The following RNF182 variants were observed in gnomAD, a reference collection of about 807,000 sequenced individuals.
RNF182 encodes ring finger protein 182, also known as E3 ubiquitin-protein ligase RNF182.
In RNF182, 15 loss-of-function variants were observed where a neutral mutation model predicts 14.4. The observed-to-expected ratio is 1.04, with a 90% CI of 0.70 to 1.60. The LOEUF is 1.60. Ranked by LOEUF, RNF182 falls within the 40% of genes most tolerant of loss-of-function variation. The probability of loss-of-function intolerance (pLI) is 0.00; values close to 1 mark genes in which losing one functional copy is unlikely to be tolerated. For missense variants in RNF182, 268 were observed against 294.8 expected (o/e 0.91, Z 0.67); for synonymous variants, 128 against 122.9 (o/e 1.04, Z -0.27).
At chr6:13,975,742 C>G (rs1760307501) in intron 2 of RNF182, among the ~76,000 whole-genome samples, 1 of 152,222 alleles carries the variant, frequency 6.6e-6, no homozygotes, top group South Asian at 2.1e-4. Flanking sequence ...CGCAGTTACT[C>G]TCTGCCCTCA....
chr6:13,951,572 C>T (rs1337184624), intron 1 of RNF182, among the ~76,000 whole-genome samples: 1 of 152,186 alleles, frequency 6.6e-6, no homozygotes, highest in Non-Finnish European at 1.5e-5. Flanking sequence ...TTATTACACA[C>T]CAAGGCTAAA....
At chr6:13,930,880 A>T (rs1030762313) in intron 1 of RNF182, among the ~76,000 whole-genome samples, 6 of 152,242 alleles carry the variant, frequency 3.9e-5, no homozygotes, top group African/African-American at 1.4e-4. Context: ...TGGTAGATTT[A>T]AAAACATGAT....
chr6:13,956,239 G>T (rs1314471591), intron 1 of RNF182, among the ~76,000 whole-genome samples: 1 of 150,990 alleles, frequency 6.6e-6, no homozygotes, highest in African/African-American at 2.4e-5. Flanking sequence ...TTGTAATAGT[G>T]ACCAGCTGTC....
At chr6:13,954,189 C>T (rs1376618746) in intron 1 of RNF182, among the ~76,000 whole-genome samples, 1 of 152,158 alleles carries the variant, frequency 6.6e-6, no homozygotes, top group African/African-American at 2.4e-5. Context: ...CATATTATTT[C>T]ATCTGTGAAA....
At chr6:13,944,569 A>C (rs937444487) in intron 1 of RNF182, among the ~76,000 whole-genome samples, 1 of 152,222 alleles carries the variant, frequency 6.6e-6, no homozygotes, top group South Asian at 2.1e-4. Flanking sequence ...AAGGTAATTT[A>C]TGCATGGAAA....
intron 1 of RNF182, among the ~76,000 whole-genome samples, chr6:13,945,145 A>G (rs1759407397): frequency 6.6e-6 from 1 of 152,186 alleles, no homozygotes; most frequent in African/African-American, 2.4e-5. Flanking sequence ...TTGGAGCTGG[A>G]AGGTCTTTAG....
intron 1 of RNF182, among the ~76,000 whole-genome samples, chr6:13,959,653 A>G (rs114771716): frequency 0.015 from 2,210 of 152,334 alleles, 65 homozygotes; most frequent in African/African-American, 0.05. Flanking sequence ...TGGATTGGAC[A>G]TGAGGAGTGA....
At chr6:13,930,017 A>G (rs1758926422) in intron 1 of RNF182, among the ~76,000 whole-genome samples, 1 of 152,200 alleles carries the variant, frequency 6.6e-6, no homozygotes, top group Non-Finnish European at 1.5e-5. Context: ...TCCTTAATTT[A>G]TTATTCGTAT....
intron 1 of RNF182, among the ~76,000 whole-genome samples, chr6:13,939,531 A>ATTTATT (rs569569749): frequency 1.4e-3 from 212 of 150,240 alleles, no homozygotes; most frequent in Middle Eastern, 3.4e-3. Context: ...TTTATTTTGT[A>ATTTATT]TTTATTTTTA....
rs140040126 is a variant in RNF182, at chr6:13,968,936, C to T, written c.-366-5274C>T. On this transcript the variant is annotated intron_variant, in intron 1 of 2. Coordinates refer to ENST00000488300, the MANE Select transcript of RNF182 (RefSeq NM_152737.4). ...ATCTAAAAACACAATAAATTCTCAA[C>T]GTCAAGTACAGCATGGTAACTGTAT... Among the ~76,000 whole-genome samples, 223 of 152,226 alleles carry T rather than the reference C, an allele frequency of 1.5e-3. 2 individuals carry two copies. The highest frequency in any genetic ancestry group is 4.8e-3 in the African/African-American group (199 of 41,544).
At chr6:13,926,034 A>G (rs1758816393) in intron 1 of RNF182, among the ~76,000 whole-genome samples, 2 of 152,240 alleles carry the variant, frequency 1.3e-5, no homozygotes, top group African/African-American at 4.8e-5. Context: ...ATACATTTTC[A>G]GAAATACAGT....
At chr6:13,926,838 C>A (rs909096325) in intron 1 of RNF182, among the ~76,000 whole-genome samples, 5 of 148,198 alleles carry the variant, frequency 3.4e-5, no homozygotes, top group African/African-American at 1.2e-4. Context: ...TTATTCAGAT[C>A]TTTGTTAGCA....
chr6:13,941,686 A>T (rs2113598507), intron 1 of RNF182, among the ~76,000 whole-genome samples: 1 of 152,158 alleles, frequency 6.6e-6, no homozygotes, highest in South Asian at 2.1e-4. Context: ...TGTTAGTTAT[A>T]CATTGTGTTT....
intron 1 of RNF182, among the ~76,000 whole-genome samples, chr6:13,968,598 G>C (rs971772524): frequency 6.6e-6 from 1 of 152,120 alleles, no homozygotes; most frequent in Non-Finnish European, 1.5e-5. Flanking sequence ...GCACAAAAAA[G>C]TCTAGAGACC....
At chr6:13,943,139 TCTA>T (rs1759341892) in intron 1 of RNF182, among the ~76,000 whole-genome samples, 1 of 152,192 alleles carries the variant, frequency 6.6e-6, no homozygotes, top group Non-Finnish European at 1.5e-5. Context: ...GAAAGTAGTT[TCTA>T]AATTATAAAG....
At chr6:13,938,208 G>A (rs1407739047) in intron 1 of RNF182, among the ~76,000 whole-genome samples, 5 of 141,752 alleles carry the variant, frequency 3.5e-5, no homozygotes, top group Non-Finnish European at 6.1e-5. Flanking sequence ...TAGTAGAGAC[G>A]GGGTTTCACC....
intron 1 of RNF182, among the ~76,000 whole-genome samples, chr6:13,972,940 A>G (rs2113647913): frequency 6.6e-6 from 1 of 152,348 alleles, no homozygotes; most frequent in Admixed American, 6.5e-5. Flanking sequence ...CCCCACAGTG[A>G]TAGATCCATA....
In RNF182 at chr6:13,977,210, C is replaced by G. The variant is rs1289552144; in HGVS notation, c.91C>G (p.Gln31Glu). The change falls in exon 3 of 3, where the codon CAG becomes GAG. Residue 31 changes from glutamine (Q) to glutamate (E), a missense_variant. Gln to Glu is a conservative substitution (Grantham distance 29, BLOSUM62 2). Coordinates refer to ENST00000488300, the MANE Select transcript of RNF182 (RefSeq NM_152737.4). Reference sequence around the variant, plus strand: ...CTGTTACAATCGATACAATCTGAAACAGAGGAAACCCAAAGTGCTGGAGTG... The same window carrying G: ...CTGTTACAATCGATACAATCTGAAAGAGAGGAAACCCAAAGTGCTGGAGTG... Reference protein sequence around the residue: ...KICYNRYNLKQRKPKVLECCH... With the variant: ...KICYNRYNLKERKPKVLECCH... 6.2e-7 allele frequency: 1 copy of G among 1,614,180 alleles called. No homozygotes were observed. The highest frequency in any genetic ancestry group is 8.5e-7 in the Non-Finnish European group (1 of 1,180,028).
intron 1 of RNF182, among the ~76,000 whole-genome samples, chr6:13,950,498 CTTTTT>C (rs34765708): frequency 1.6e-5 from 2 of 121,934 alleles, no homozygotes; most frequent in East Asian, 2.3e-4. Context: ...AAAACAGGTA[CTTTTT>C]TTTTTTTTTT....
Sources: allele counts gnomAD v4.1 joint callset (sites outside exome capture counted in the v4.1 genomes callset), GRCh38; gene constraint gnomAD v4.1.1; transcripts MANE v1.5; gene names NCBI Gene and HGNC (gene_info 2026-07-23, HGNC 2026-07-21).